PCDH9: variants seen among roughly 807,000 people sequenced by gnomAD.
PCDH9 encodes the protein protocadherin-9.
PCDH9 carries 24 observed loss-of-function variants against 70.6 expected under a neutral mutation model. The ratio of observed to expected loss-of-function variants is 0.34; its 90% CI spans 0.25 to 0.48. The LOEUF (loss-of-function observed/expected upper bound fraction) is 0.48, where lower values mean the gene tolerates loss of function less well. PCDH9 is among the 20% of genes least tolerant of loss of function. PCDH9 has a pLI of 0.99. For missense variants in PCDH9, 1,281 were observed against 1,503.6 expected, an observed-to-expected ratio of 0.85 and a Z score of 2.45; for synonymous variants, 562 against 558.5, an observed-to-expected ratio of 1.01 and a Z score of -0.09.
intron 2 of PCDH9, among the ~76,000 whole-genome samples, chr13:67,068,757 A>G (rs2085701448): frequency 6.6e-6 from 1 of 152,176 alleles, no homozygotes; most frequent in Admixed American, 6.6e-5. Flanking sequence ...CATTTGCCAA[A>G]GTGACACATT....
chr13:67,139,336 C>T (rs2087314630), intron 2 of PCDH9, among the ~76,000 whole-genome samples: 1 of 152,184 alleles, frequency 6.6e-6, no homozygotes, highest in South Asian at 2.1e-4. Context: ...ACCGCTATTA[C>T]CAAGTCTTAA....
At chr13:67,054,882 A>G (rs2085388702) in intron 2 of PCDH9, among the ~76,000 whole-genome samples, 1 of 152,178 alleles carries the variant, frequency 6.6e-6, no homozygotes, top group African/African-American at 2.4e-5. Flanking sequence ...GAATGGTCCA[A>G]AAAATACATA....
At chr13:66,780,821 A>G (rs2079987438) in intron 3 of PCDH9, among the ~76,000 whole-genome samples, 1 of 152,208 alleles carries the variant, frequency 6.6e-6, no homozygotes. Context: ...TGCCTAGAAC[A>G]GTATCTAGCA....
intron 4 of PCDH9, among the ~76,000 whole-genome samples, chr13:66,389,189 T>C (rs995548334): frequency 2.0e-5 from 3 of 152,186 alleles, no homozygotes; most frequent in Admixed American, 6.5e-5. Flanking sequence ...CTAGTCCTAA[T>C]GTTTATAATG....
intron 2 of PCDH9, among the ~76,000 whole-genome samples, chr13:66,970,479 A>G (rs1183140516): frequency 6.6e-6 from 1 of 151,674 alleles, no homozygotes. Flanking sequence ...AAAAAATAAT[A>G]AATAATAAAA....
rs1395244975 is a variant in PCDH9, at chr13:66,779,849, C to CTCTATATATATA, written c.3138+123654_3138+123655insTATATATATAGA. Among the ~76,000 whole-genome samples, 537 of 78,852 alleles carry CTCTATATATATA rather than the reference C, an allele frequency of 6.8e-3. 3 individuals are homozygous for CTCTATATATATA. Among genetic ancestry groups the CTCTATATATATA allele is most frequent in the African/African-American group, 0.01 (196 of 19,398 alleles). The allele number at this position is 78,852 out of a possible 152,430, so 51.7% of individuals were successfully genotyped here. A position where few individuals can be genotyped will look rare whatever the true frequency, so the allele number is the denominator to read the frequency against. ...TCTCTCTCTCTCTCTCTCTCTCTCTCTATATATATATATATATACATATAT... is the reference window on the plus strand; with the variant it reads ...TCTCTCTCTCTCTCTCTCTCTCTCTCTCTATATATATATATATATATATATATATACATATAT... On this transcript the variant is annotated intron_variant, in intron 3 of 4. Transcript: ENST00000377865.
chr13:66,839,196 AACAATC>A (rs2081074506), intron 3 of PCDH9, among the ~76,000 whole-genome samples: 1 of 152,008 alleles, frequency 6.6e-6, no homozygotes. Flanking sequence ...ATTAATGTGC[AACAATC>A]ACTTTGTATT....
At chr13:67,073,056 C>T (rs953939463) in intron 2 of PCDH9, among the ~76,000 whole-genome samples, 7 of 152,072 alleles carry the variant, frequency 4.6e-5, no homozygotes, top group South Asian at 2.1e-4. Flanking sequence ...TCAATTGATT[C>T]GCTGAATTTC....
intron 3 of PCDH9, among the ~76,000 whole-genome samples, chr13:66,788,139 G>A (rs1008003705): frequency 9.2e-5 from 14 of 152,164 alleles, no homozygotes; most frequent in African/African-American, 3.4e-4. Context: ...TCACAATCCC[G>A]AAGTCCAAGA....
chr13:66,427,569 C>A (rs567742780), intron 4 of PCDH9, among the ~76,000 whole-genome samples: 1 of 151,816 alleles, frequency 6.6e-6, no homozygotes, highest in South Asian at 2.1e-4. Flanking sequence ...AAAATCTGGC[C>A]AACTGCCCCA....
intron 2 of PCDH9, 110 bp downstream of exon 2, chr13:67,225,295 T>G (rs759474952): frequency 7.5e-7 from 1 of 1,339,740 alleles, no homozygotes; most frequent in Admixed American, 2.2e-5. Flanking sequence ...TTTTACCTCT[T>G]TCTAACTAAG....
At chr13:66,450,181 A>G (rs1444849488) in intron 4 of PCDH9, among the ~76,000 whole-genome samples, 1 of 152,222 alleles carries the variant, frequency 6.6e-6, no homozygotes, top group East Asian at 1.9e-4. Flanking sequence ...AATATTGTAT[A>G]AAATCTAGAG....
chr13:66,763,355 A>C (rs1212099780), intron 3 of PCDH9, among the ~76,000 whole-genome samples: 2 of 152,038 alleles, frequency 1.3e-5, no homozygotes, highest in South Asian at 2.1e-4. Flanking sequence ...GCCAAATAAA[A>C]GACAATATTT....
chr13:66,958,416 G>C lies in PCDH9; in HGVS notation c.3037-54811C>G, dbSNP rs574038735. ...TTGCATTGATATAGAATAATTCATTGTTCAGTTTCTTTCTTGACATGCCTT... is the reference window on the plus strand; with the variant it reads ...TTGCATTGATATAGAATAATTCATTCTTCAGTTTCTTTCTTGACATGCCTT... On this transcript the variant is annotated intron_variant, in intron 2 of 4. Transcript: ENST00000377865. Among the ~76,000 whole-genome samples, 122 of 152,308 alleles carry C rather than the reference G, an allele frequency of 8.0e-4. 1 individual carries two copies. Among genetic ancestry groups the C allele is most frequent in the African/African-American group, 2.8e-3 (117 of 41,566 alleles).
chr13:66,592,182 G>T (rs938752075), intron 4 of PCDH9, among the ~76,000 whole-genome samples: 2 of 151,486 alleles, frequency 1.3e-5, no homozygotes, highest in African/African-American at 4.8e-5. Context: ...AAAAGGCAAG[G>T]TTCAATCAAC....
intron 2 of PCDH9, among the ~76,000 whole-genome samples, chr13:67,151,122 C>T (rs955050167): frequency 1.3e-5 from 2 of 152,036 alleles, no homozygotes; most frequent in African/African-American, 2.4e-5. Context: ...AAGGCTCATC[C>T]TCTTCTTGAG....
At chr13:66,343,535 A>C (rs961998462) in intron 4 of PCDH9, among the ~76,000 whole-genome samples, 1 of 152,170 alleles carries the variant, frequency 6.6e-6, no homozygotes, top group Non-Finnish European at 1.5e-5. Flanking sequence ...GGCACCTCCC[A>C]CTTCAAACCA....
At chr13:67,176,116 C>T (rs973920913) in intron 2 of PCDH9, among the ~76,000 whole-genome samples, 6 of 152,046 alleles carry the variant, frequency 3.9e-5, no homozygotes, top group Admixed American at 6.5e-5. Context: ...CTCTGGCTAG[C>T]GAATGTGTCC....
At chr13:66,960,811 T>G (rs1324502102) in intron 2 of PCDH9, among the ~76,000 whole-genome samples, 2 of 152,176 alleles carry the variant, frequency 1.3e-5, no homozygotes, top group Non-Finnish European at 2.9e-5. Flanking sequence ...TCAATCAGCT[T>G]ACTAAAGTGT....
Sources: allele counts gnomAD v4.1 joint callset (sites outside exome capture counted in the v4.1 genomes callset), GRCh38; gene constraint gnomAD v4.1.1; transcripts MANE v1.5; gene names NCBI Gene and HGNC (gene_info 2026-07-23, HGNC 2026-07-21).